Variants in LRRC71 observed in about 807,000 individuals in gnomAD.
LRRC71 encodes the protein leucine-rich repeat-containing protein 71.
Under a neutral mutation model 66.6 loss-of-function variants are expected in LRRC71, and 54 were observed. The ratio of observed to expected loss-of-function variants is 0.81; its 90% CI spans 0.65 to 1.02. The LOEUF (loss-of-function observed/expected upper bound fraction) is 1.02, where lower values mean the gene tolerates loss of function less well. Ranked by LOEUF, LRRC71 falls within the 50% of genes least tolerant of loss-of-function variation. The pLI, the probability that LRRC71 is intolerant of heterozygous loss-of-function variation, is 0.00. For synonymous variants in LRRC71, 323 were observed against 303.9 expected, an observed-to-expected ratio of 1.06 and a Z score of -0.65; for missense variants, 724 against 718.0, an observed-to-expected ratio of 1.01 and a Z score of -0.10.
chr1:156,927,156 T>A, intron 5 of LRRC71, 46 bp from the exon 6 acceptor site: 1 of 1,556,680 alleles, frequency 6.4e-7, no homozygotes, highest in Non-Finnish European at 8.8e-7. Context: ...TTCCCTTACC[T>A]GGCCTCAGTG....
In LRRC71 at chr1:156,929,737, C is replaced by T. The variant is rs370974974; in HGVS notation, c.1240+8C>T. 2.2e-4 allele frequency: 344 copies of T among 1,555,926 alleles called. No individual in the cohort carries two copies. The highest frequency in any genetic ancestry group is 5.1e-4 in the Middle Eastern group (3 of 5,842). On this transcript the variant is annotated splice_region_variant and intron_variant, in intron 11 of 14. Coordinates refer to ENST00000337428, the MANE Select transcript of LRRC71 (RefSeq NM_144702.3). The stretch of plus-strand genomic sequence containing the variant: ...CAAAGGCAGGCAAGGGGAGTAAGTG[C>T]GGGTGCCCCTGGGTGGCATCTTCCT...
intron 11 of LRRC71, 30 bp from the exon 12 acceptor site, chr1:156,930,499 T>C (rs2101652822): frequency 6.5e-7 from 1 of 1,537,836 alleles, no homozygotes; most frequent in East Asian, 2.4e-5. Flanking sequence ...AAGTGTGCAC[T>C]GTGCATTCTG....
chr1:156,935,303 G>A (rs1654858799), downstream of LRRC71: 1 of 152,198 alleles, frequency 6.6e-6, no homozygotes, highest in African/African-American at 2.4e-5. Context: ...GCAGGCTCTG[G>A]AGCCAGGTGG....
downstream of LRRC71, chr1:156,935,998 G>A (rs373546180): frequency 3.2e-5 from 51 of 1,612,688 alleles, no homozygotes; most frequent in Middle Eastern, 1.7e-4. Context: ...TGGTTTGTAC[G>A]GTTATGGTCC....
chr1:156,927,289 AC>A lies in LRRC71; in HGVS notation c.662+24del. On this transcript the variant is annotated intron_variant, in intron 6 of 14. Coordinates refer to ENST00000337428, the MANE Select transcript of LRRC71 (RefSeq NM_144702.3). ...ACAGCACGTGAGACTCCCTGCCCTC[AC>A]CCCCTTTCTCTGGGCCTGTCTCGAA... is the stretch of plus-strand genomic sequence containing the variant. The A allele has an allele frequency of 1.2e-6, 2 of 1,608,038 alleles. No homozygotes were observed. Among genetic ancestry groups the A allele is most frequent in the Non-Finnish European group, 1.7e-6 (2 of 1,176,516 alleles).
chr1:156,927,052 G>T, intron 5 of LRRC71, 150 bp from the exon 6 acceptor site: 1 of 689,004 alleles, frequency 1.5e-6, no homozygotes. Context: ...TTTAGTCTGG[G>T]GAATTGTCAC....
rs1652230396 is a variant in LRRC71 at position 156,920,753 on chromosome 1, T to C, written c.-51T>C. The C allele has an allele frequency of 9.7e-6, 14 of 1,450,018 alleles. No homozygotes were observed. Among genetic ancestry groups the C allele is most frequent in the Non-Finnish European group, 1.3e-5 (14 of 1,098,260 alleles). 89.8% of individuals were successfully genotyped at this position (1,450,018 alleles called of 1,614,324 possible). A position where few individuals can be genotyped will look rare whatever the true frequency, so the allele number is the denominator to read the frequency against. ...AGACTGAGCCCCGTAGAGTGCGTTC[T>C]TACCTTCCTGCCCCGACGAAGGTCC... On this transcript the variant is annotated 5_prime_UTR_variant, in exon 1 of 15. Transcript: ENST00000337428. The surrounding 1 kb of genome is among the most constrained non-coding windows in gnomAD (Gnocchi z 4.9).
chr1:156,940,765 A>C, the LRRC71 span, among the ~76,000 whole-genome samples: 7 of 152,210 alleles, frequency 4.6e-5, no homozygotes, highest in Non-Finnish European at 1.0e-4. Flanking sequence ...TGCTGGCTAC[A>C]GTATTAAACA....
In LRRC71 at chr1:156,927,477, C is replaced by T; in HGVS notation, c.663-19C>T. Reference sequence around the variant, plus strand: ...TGTACCTTTTCCAGCGACCCACATTCTCCCTCCGGCTGCCCCAGGATTGCG... The same window carrying T: ...TGTACCTTTTCCAGCGACCCACATTTTCCCTCCGGCTGCCCCAGGATTGCG... On this transcript the variant is annotated intron_variant, in intron 6 of 14. Coordinates refer to ENST00000337428, the MANE Select transcript of LRRC71 (RefSeq NM_144702.3). The T allele has an allele frequency of 6.6e-7, 1 of 1,520,596 alleles. No homozygotes were observed. 94.2% of individuals were successfully genotyped at this position (1,520,596 alleles called of 1,614,324 possible). A position where few individuals can be genotyped will look rare whatever the true frequency, so the allele number is the denominator to read the frequency against.
rs1454093361 is a variant in LRRC71, at chr1:156,932,455, C to T, written c.1473C>T (p.Gly491=). ...RNRITEVGLE[G]FLATVQYQMQ... is the part of the protein sequence containing the mutation. ...GCATCACAGAGGTGGGGCTGGAGGG[C>T]TTCCTCGCCACGGTGCAGTATCAGA... Residue 491 remains glycine, a synonymous_variant, in exon 14 of 15, where the codon GGC becomes GGT. Coordinates refer to ENST00000337428, the MANE Select transcript of LRRC71 (RefSeq NM_144702.3). The T allele has an allele frequency of 6.2e-7, 1 of 1,613,744 alleles. No homozygotes were observed.
chr1:156,932,359 C>G, intron 13 of LRRC71, 65 bp from the exon 14 acceptor site: 1 of 1,316,562 alleles, frequency 7.6e-7, no homozygotes, highest in Non-Finnish European at 1.1e-6. Flanking sequence ...CTGGGGATGT[C>G]TGGTGTGTCA....
the LRRC71 span, chr1:156,939,541 A>C: frequency 1.2e-6 from 2 of 1,609,326 alleles, no homozygotes; most frequent in Non-Finnish European, 8.5e-7. Context: ...ACTCCCATTT[A>C]TTTTACCTTT....
chr1:156,926,145 C>T (rs1357767030), intron 5 of LRRC71, among the ~76,000 whole-genome samples: 2 of 152,212 alleles, frequency 1.3e-5, no homozygotes, highest in East Asian at 3.8e-4. Context: ...GAAGCAACTG[C>T]CATGTGGAGG....
At chr1:156,924,294 G>A (rs1353338998) in intron 2 of LRRC71, 130 bp from the exon 3 acceptor site, 20 of 1,366,434 alleles carry the variant, frequency 1.5e-5, no homozygotes, top group Middle Eastern at 2.6e-4. Flanking sequence ...AGTGGCCGGA[G>A]AGGCAGAGTC....
intron 12 of LRRC71, among the ~76,000 whole-genome samples, 177 bp from the exon 13 acceptor site, chr1:156,931,739 C>T (rs975959027): frequency 6.6e-6 from 1 of 150,942 alleles, no homozygotes; most frequent in Non-Finnish European, 1.5e-5. Flanking sequence ...TCTGGCTCCT[C>T]CACACAAAGG....
chr1:156,927,134 C>A, intron 5 of LRRC71, 68 bp from the exon 6 acceptor site: 1 of 1,390,374 alleles, frequency 7.2e-7, no homozygotes, highest in East Asian at 2.5e-5. Context: ...CGCACACTTC[C>A]TCTCTGTTCC....
chr1:156,925,674 GC>G (rs1653086830), intron 5 of LRRC71, among the ~76,000 whole-genome samples: 1 of 152,210 alleles, frequency 6.6e-6, no homozygotes, highest in Non-Finnish European at 1.5e-5. Context: ...AGTGTAAGGG[GC>G]AAGGCTGATT....
the LRRC71 span, chr1:156,938,376 CCA>C: frequency 6.3e-6 from 10 of 1,583,952 alleles, no homozygotes; most frequent in Non-Finnish European, 8.6e-6. Flanking sequence ...GTTCCACACT[CCA>C]GTCTTGGCCT....
chr1:156,933,529 T>C (rs568097119), downstream of LRRC71, among the ~76,000 whole-genome samples: 2 of 152,126 alleles, frequency 1.3e-5, no homozygotes, highest in Non-Finnish European at 2.9e-5. Context: ...CTTAAGAAAA[T>C]GAACAAAGGC....
Sources: gnomAD v4.1 joint callset for allele counts (sites outside exome capture counted in the v4.1 genomes callset) on GRCh38, gnomAD v4.1.1 for gene constraint, Gnocchi (gnomAD v3.1) non-coding constraint, MANE v1.5 for transcripts, NCBI Gene and HGNC (gene_info 2026-07-23, HGNC 2026-07-21) for gene names.